NAP1L1: variants seen among roughly 807,000 people sequenced by gnomAD.
NAP1L1 encodes nucleosome assembly protein 1 like 1.
Under a neutral mutation model 58.9 loss-of-function variants are expected in NAP1L1, and 9 were observed. The ratio of observed to expected loss-of-function variants is 0.15; its 90% CI spans 0.09 to 0.27. The LOEUF (loss-of-function observed/expected upper bound fraction) is 0.27. Ranked by LOEUF, NAP1L1 falls within the 10% of genes least tolerant of loss-of-function variation. The pLI is 1.00. For missense variants in NAP1L1, 302 were observed against 458.8 expected, an observed-to-expected ratio of 0.66 and a Z score of 3.12; for synonymous variants, 130 against 138.3, an observed-to-expected ratio of 0.94 and a Z score of 0.42.
rs1948556531 is a variant in NAP1L1, at chr12:76,042,062, T to G, written c.*6367A>C. ...ACTTTAGGTTAAGGTCAATTTTTTT[T>G]TTGTTTTTTACACATAAAATCTTCA... On this transcript the variant is annotated 3_prime_UTR_variant, in exon 15 of 15. Transcript: ENST00000618691. 6.6e-6 allele frequency: 1 copy of G among 152,122 alleles called. No homozygotes were observed. The highest frequency in any genetic ancestry group is 1.5e-5 in the Non-Finnish European group (1 of 68,028). The allele number at this position is 152,122 out of a possible 1,614,324, so 9.4% of individuals were successfully genotyped here. A position where few individuals can be genotyped will look rare whatever the true frequency, so the allele number is the denominator to read the frequency against.
In NAP1L1 at chr12:76,060,210, TTCTA is replaced by T; in HGVS notation, c.272_275del (p.Ile91LysfsTer55). On this transcript the variant is annotated frameshift_variant, in exon 5 of 15. Coordinates refer to ENST00000618691, the MANE Select transcript of NAP1L1 (RefSeq NM_004537.7). LOFTEE classifies it high-confidence loss of function. Reference sequence around the variant, plus strand: ...CGTGAACTTCCTCATAGAATTTGGCTTCTATCTGTGCACATTTAACTTGCAGGTT... The same window carrying T: ...CGTGAACTTCCTCATAGAATTTGGCTTCTGTGCACATTTAACTTGCAGGTT... 1 of 1,613,832 alleles carries T rather than the reference TTCTA, an allele frequency of 6.2e-7. No homozygotes were observed. The highest frequency in any genetic ancestry group is 8.5e-7 in the Non-Finnish European group (1 of 1,179,774).
rs750630577 is a variant in NAP1L1 at position 76,083,837 on chromosome 12, C to G, written c.-21+730G>C. 23 of 152,274 alleles carry G rather than the reference C, an allele frequency of 1.5e-4. 1 individual carries two copies. The highest frequency in any genetic ancestry group is 2.9e-5 in the Non-Finnish European group (2 of 68,094). The allele number at this position is 152,274 out of a possible 1,614,324, so 9.4% of individuals were successfully genotyped here. A position where few individuals can be genotyped will look rare whatever the true frequency, so the allele number is the denominator to read the frequency against. ...GGACAGGGCTTACTCGCTTACCCTT[C>G]CTTTTCACATTCCACCGTCTCTACA... is the stretch of plus-strand genomic sequence containing the variant. On this transcript the variant is annotated intron_variant, in intron 1 of 14. Coordinates refer to ENST00000618691, the MANE Select transcript of NAP1L1 (RefSeq NM_004537.7).
rs1329829594 is a variant in NAP1L1 at position 76,044,585 on chromosome 12, G to A, written c.*3844C>T. On this transcript the variant is annotated 3_prime_UTR_variant, in exon 15 of 15. Transcript: ENST00000618691. ...CCACTGTAAGTCAAAAATATCATAA[G>A]TAGAAGATGTGTTTAATACTCCAAT... 3.3e-5 allele frequency: 5 copies of A among 152,128 alleles called. No homozygotes were observed. The highest frequency in any genetic ancestry group is 6.5e-5 in the Admixed American group (1 of 15,268). 9.4% of individuals were successfully genotyped at this position (152,128 alleles called of 1,614,324 possible).
chr12:76,052,993 C>A, intron 11 of NAP1L1, 98 bp downstream of exon 11: 3 of 1,185,274 alleles, frequency 2.5e-6, no homozygotes, highest in South Asian at 1.5e-5. Context: ...GGCCTCAGAA[C>A]TCAATGTAAC....
rs908958696 is a variant in NAP1L1, at chr12:76,040,538, GAC to G, written c.*7889_*7890del. ...ATACATACACACACACACACACACA[GAC>G]AGTTTCATTCTGTTGCTCAGGTTGG... is the stretch of plus-strand genomic sequence containing the variant. On this transcript the variant is annotated 3_prime_UTR_variant, in exon 15 of 15. Coordinates refer to ENST00000618691, the MANE Select transcript of NAP1L1 (RefSeq NM_004537.7). The G allele has an allele frequency of 1.3e-4, 19 of 151,668 alleles. No homozygotes were observed. Among genetic ancestry groups the G allele is most frequent in the African/African-American group, 4.4e-4 (18 of 41,218 alleles). 9.4% of individuals were successfully genotyped at this position (151,668 alleles called of 1,614,324 possible). A position where few individuals can be genotyped will look rare whatever the true frequency, so the allele number is the denominator to read the frequency against.
chr12:76,057,936 TG>T (rs1483339908), intron 6 of NAP1L1: 1 of 1,108,828 alleles, frequency 9.0e-7, no homozygotes, highest in African/African-American at 1.5e-5. Context: ...GTTGTGGCCT[TG>T]TAACTTTTGA....
intron 2 of NAP1L1, among the ~76,000 whole-genome samples, chr12:76,072,985 G>A (rs1950026701): frequency 6.6e-6 from 1 of 152,102 alleles, no homozygotes; most frequent in Non-Finnish European, 1.5e-5. Flanking sequence ...TGAAACCTCA[G>A]GAAGATAGTA....
chr12:76,079,356 C>CA (rs1387800158), intron 1 of NAP1L1, among the ~76,000 whole-genome samples: 1 of 151,954 alleles, frequency 6.6e-6, no homozygotes, highest in African/African-American at 2.4e-5. Flanking sequence ...ATCATCTCTA[C>CA]AAAAAATTAA....
chr12:76,060,309 T>C, intron 4 of NAP1L1, 30 bp from the exon 5 acceptor site: 1 of 1,603,014 alleles, frequency 6.2e-7, no homozygotes, highest in Non-Finnish European at 8.5e-7. Flanking sequence ...TTATATAGCA[T>C]CAGAGTAAAA....
chr12:76,077,636 G>A (rs1950229422), intron 1 of NAP1L1, among the ~76,000 whole-genome samples: 1 of 152,078 alleles, frequency 6.6e-6, no homozygotes, highest in Non-Finnish European at 1.5e-5. Context: ...AGATCTCTGT[G>A]AAAAACTTTC....
chr12:76,041,723 T>A lies in NAP1L1; in HGVS notation c.*6706A>T, dbSNP rs1254750693. The A allele has an allele frequency of 6.6e-6, 1 of 152,084 alleles. No individual in the cohort carries two copies. Among genetic ancestry groups the A allele is most frequent in the East Asian group, 1.9e-4 (1 of 5,184 alleles). 9.4% of individuals were successfully genotyped at this position (152,084 alleles called of 1,614,324 possible). A position where few individuals can be genotyped will look rare whatever the true frequency, so the allele number is the denominator to read the frequency against. Reference sequence around the variant, plus strand: ...ATAGTGAGAATCATCTCAAAGATAATAAAAATAAAACTTTGTTGACTGGCC... The same window carrying A: ...ATAGTGAGAATCATCTCAAAGATAAAAAAAATAAAACTTTGTTGACTGGCC... On this transcript the variant is annotated 3_prime_UTR_variant, in exon 15 of 15. Transcript: ENST00000618691.
At chr12:76,064,570 A>G (rs889464948) in intron 4 of NAP1L1, among the ~76,000 whole-genome samples, 1 of 152,198 alleles carries the variant, frequency 6.6e-6, no homozygotes, top group Non-Finnish European at 1.5e-5. Flanking sequence ...CAGCAGTAAC[A>G]AAAGACAGTA....
Position 76,056,155 on chromosome 12 carries a change from A to T in NAP1L1, c.436T>A (p.Leu146Met), listed in dbSNP as rs953811464. Reference protein sequence around the residue: ...PDEEDEISEELKEKAKIEDEK... With the variant: ...PDEEDEISEEMKEKAKIEDEK... The stretch of plus-strand genomic sequence containing the variant: ...TCTTCAATCTTGGCCTTTTCTTTCA[A>T]TTCCTCCTTGATTAAGTGACAGCAA... The change falls in exon 7 of 15, where the codon TTG becomes ATG. Residue 146 changes from leucine to methionine, a missense_variant. Transcript: ENST00000618691. 1 of 1,610,558 alleles carries T rather than the reference A, an allele frequency of 6.2e-7. No individual in the cohort carries two copies. Among genetic ancestry groups the T allele is most frequent in the Non-Finnish European group, 8.5e-7 (1 of 1,178,664 alleles).
At chr12:76,073,639 T>C (rs574839834) in intron 2 of NAP1L1, among the ~76,000 whole-genome samples, 1 of 152,188 alleles carries the variant, frequency 6.6e-6, no homozygotes, top group Non-Finnish European at 1.5e-5. Flanking sequence ...GTGATCACTA[T>C]TCAGATTTTC....
rs145620493 is a variant in NAP1L1 at position 76,075,611 on chromosome 12, GA to G, written c.-20-1373del. On this transcript the variant is annotated intron_variant, in intron 1 of 14. Coordinates refer to ENST00000618691, the MANE Select transcript of NAP1L1 (RefSeq NM_004537.7). The stretch of plus-strand genomic sequence containing the variant: ...ATAAATAATTCCTAATAGTACTGAT[GA>G]ATTTTTCTAGTGATGCTGGGTAATG... Among the ~76,000 whole-genome samples the G allele has an allele frequency of 9.7e-3, 1,481 of 152,242 alleles. 22 individuals are homozygous for G. The highest frequency in any genetic ancestry group is 0.033 in the African/African-American group (1,374 of 41,534).
At position 76,047,673 on chromosome 12, in the gene NAP1L1, T is replaced by C. The variant is rs567963109; in HGVS notation, c.*756A>G. On this transcript the variant is annotated 3_prime_UTR_variant, in exon 15 of 15. Transcript: ENST00000618691. ...AACAAATAACTTGAAAATAGGCTTG[T>C]CAAATGATGTAAATTCATCCTTTCC... 4.3e-4 allele frequency: 65 copies of C among 152,192 alleles called. No individual in the cohort carries two copies. The highest frequency in any genetic ancestry group is 1.4e-3 in the African/African-American group (58 of 41,566). 9.4% of individuals were successfully genotyped at this position (152,192 alleles called of 1,614,324 possible).
At chr12:76,050,253 C>T (rs1300368494) in intron 12 of NAP1L1, among the ~76,000 whole-genome samples, 2 of 152,082 alleles carry the variant, frequency 1.3e-5, no homozygotes, top group Non-Finnish European at 2.9e-5. Context: ...GAAGTCAAGG[C>T]AAGGGCATAA....
At chr12:76,058,217 ATATATATGTATTC>A in intron 6 of NAP1L1, 6 of 181,976 alleles carry the variant, frequency 3.3e-5, no homozygotes, top group South Asian at 1.5e-4. Context: ...ATATATATAT[ATATATATGTATTC>A]TACAGTAAAA....
chr12:76,068,867 G>A lies in NAP1L1; in HGVS notation c.103+42C>T, dbSNP rs768036492. 3 of 1,427,728 alleles carry A rather than the reference G, an allele frequency of 2.1e-6. No individual in the cohort carries two copies. In the Admixed American group the frequency reaches 5.1e-5, roughly 24 times the overall value. The allele number at this position is 1,427,728 out of a possible 1,614,324, so 88.4% of individuals were successfully genotyped here. A position where few individuals can be genotyped will look rare whatever the true frequency, so the allele number is the denominator to read the frequency against. On this transcript the variant is annotated intron_variant, in intron 3 of 14. Transcript: ENST00000618691. ...CTTATAACTACCCTCTAGTAGACAT[G>A]TGCCAGCAATCACTGGCTCCTGAAG...
Sources: gnomAD v4.1 joint callset for allele counts (sites outside exome capture counted in the v4.1 genomes callset) on GRCh38, gnomAD v4.1.1 for gene constraint, MANE v1.5 for transcripts, NCBI Gene and HGNC (gene_info 2026-07-23, HGNC 2026-07-21) for gene names.